CACNG3: variants seen among roughly 807,000 people sequenced by gnomAD.
CACNG3 encodes calcium voltage-gated channel auxiliary subunit gamma 3, also known as voltage-dependent calcium channel gamma-3 subunit.
A neutral mutation model predicts 28.5 loss-of-function variants in CACNG3; 3 were observed. The ratio of observed to expected loss-of-function variants is 0.11; its 90% CI spans 0.05 to 0.27. The LOEUF (loss-of-function observed/expected upper bound fraction) is 0.27, where lower values mean the gene tolerates loss of function less well. Ranked by LOEUF, CACNG3 falls within the 10% of genes least tolerant of loss-of-function variation. The pLI is 1.00. For synonymous variants in CACNG3, 174 were observed against 162.2 expected (o/e 1.07, Z -0.55); for missense variants, 236 against 414.4 (o/e 0.57, Z 3.74).
chr16:24,288,866 C>G (rs1375051445), intron 1 of CACNG3, among the ~76,000 whole-genome samples: 2 of 151,204 alleles, frequency 1.3e-5, no homozygotes, highest in Non-Finnish European at 2.9e-5. Flanking sequence ...GAGTCTGTGA[C>G]ACATAAACAC....
At chr16:24,319,932 C>T (rs979995147) in intron 1 of CACNG3, among the ~76,000 whole-genome samples, 5 of 152,044 alleles carry the variant, frequency 3.3e-5, no homozygotes, top group Non-Finnish European at 5.9e-5. Context: ...CACCATGCCC[C>T]GCTAATTTTT....
chr16:24,308,542 A>G (rs1460791856), intron 1 of CACNG3, among the ~76,000 whole-genome samples: 24 of 152,134 alleles, frequency 1.6e-4, no homozygotes, highest in Non-Finnish European at 1.0e-4. Context: ...GCCTGAACCC[A>G]TTGTAAGCAC....
intron 1 of CACNG3, among the ~76,000 whole-genome samples, chr16:24,258,850 A>G (rs74426351): frequency 0.041 from 6,227 of 152,298 alleles, 436 homozygotes; most frequent in African/African-American, 0.14. Context: ...AGAATGCACA[A>G]TTAAAAATGA....
intron 1 of CACNG3, among the ~76,000 whole-genome samples, chr16:24,297,239 TCCCATCTCTAA>T (rs879484245): frequency 0.089 from 13,497 of 151,138 alleles, 1,184 homozygotes; most frequent in African/African-American, 0.23. Context: ...CAGAGCAGAA[TCCCATCTCTAA>T]AAATAAAATA....
chr16:24,259,765 A>G (rs532331008), intron 1 of CACNG3, among the ~76,000 whole-genome samples: 2 of 152,294 alleles, frequency 1.3e-5, no homozygotes, highest in Admixed American at 6.5e-5. Context: ...ATAAATAACT[A>G]TCCAATGTGG....
At chr16:24,284,257 G>A (rs1898866235) in intron 1 of CACNG3, among the ~76,000 whole-genome samples, 1 of 152,140 alleles carries the variant, frequency 6.6e-6, no homozygotes, top group East Asian at 1.9e-4. Context: ...CTGAGTTGCG[G>A]TAACTTGCTG....
intron 1 of CACNG3, among the ~76,000 whole-genome samples, chr16:24,293,800 C>T (rs533197032): frequency 3.3e-5 from 5 of 152,262 alleles, no homozygotes; most frequent in African/African-American, 9.6e-5. Context: ...CAGCATCAGT[C>T]AGCAGATGTT....
rs1898461592 is a variant in CACNG3, at chr16:24,256,467, C to G, written c.-288C>G. ...GCCCTGCACGGACCCTCGTCTTTACCACGCTCCTGAGGAATGAAAGGAACC... is the reference window on the plus strand; with the variant it reads ...GCCCTGCACGGACCCTCGTCTTTACGACGCTCCTGAGGAATGAAAGGAACC... On this transcript the variant is annotated 5_prime_UTR_variant, in exon 1 of 4. Transcript: ENST00000005284. This position sits in a 1 kb window ranked among gnomAD's most constrained non-coding sequence, Gnocchi z 4.6. 2.5e-6 allele frequency: 1 copy of G among 403,906 alleles called. No homozygotes were observed. Among genetic ancestry groups the G allele is most frequent in the South Asian group, 2.9e-5 (1 of 34,264 alleles). 25.0% of individuals were successfully genotyped at this position (403,906 alleles called of 1,614,324 possible).
chr16:24,357,530 C>T (rs1200151090), intron 3 of CACNG3, among the ~76,000 whole-genome samples: 3 of 152,160 alleles, frequency 2.0e-5, no homozygotes, highest in East Asian at 1.9e-4. Context: ...ACTGCTTCGC[C>T]GGCTGTGAGA....
intron 3 of CACNG3, among the ~76,000 whole-genome samples, chr16:24,360,775 A>T (rs1172753471): frequency 3.3e-5 from 5 of 152,182 alleles, no homozygotes; most frequent in Non-Finnish European, 7.3e-5. Flanking sequence ...GCCTTCTCTC[A>T]CATGCCATCG....
chr16:24,283,019 C>T lies in CACNG3; in HGVS notation c.211+26054C>T, dbSNP rs747505134. On this transcript the variant is annotated intron_variant, in intron 1 of 3. Transcript: ENST00000005284. ...AAGTAGCTGGGACTACAGGTGCACA[C>T]CACCATTCCCGGGTAATTTTTTGTA... is the stretch of plus-strand genomic sequence containing the variant. Among the ~76,000 whole-genome samples the T allele has an allele frequency of 4.7e-4, 72 of 152,106 alleles. 1 individual carries two copies. The highest frequency in any genetic ancestry group is 1.0e-3 in the Admixed American group (16 of 15,270).
In CACNG3 at chr16:24,361,422, C is replaced by G; in HGVS notation, c.507C>G (p.Ser169=). ...CCGGAGACCCCGGGCAGCGTGACTC[C>G]AAAAAAAGTTACTCCTATGGTTGGT... is the stretch of plus-strand genomic sequence containing the variant. The part of the protein sequence containing the change: ...ANAGDPGQRD[S]KKSYSYGWSF... The change falls in exon 4 of 4, where the codon TCC becomes TCG. Residue 169 remains serine (S), a synonymous_variant. Transcript: ENST00000005284. This position sits in a 1 kb window ranked among gnomAD's most constrained non-coding sequence, Gnocchi z 6.8. 6.2e-7 allele frequency: 1 copy of G among 1,613,744 alleles called. No homozygotes were observed. The highest frequency in any genetic ancestry group is 8.5e-7 in the Non-Finnish European group (1 of 1,179,854).
In CACNG3 at chr16:24,265,658, T is replaced by G. The variant is rs368026124; in HGVS notation, c.211+8693T>G. ...GGACAGCCCATAGCTAAAAATATTT[T>G]GTACATTTTAAAATGGTTGAAAAAT... On this transcript the variant is annotated intron_variant, in intron 1 of 3. Transcript: ENST00000005284. Among the ~76,000 whole-genome samples, 21 of 152,298 alleles carry G rather than the reference T, an allele frequency of 1.4e-4. 1 individual carries two copies. Among genetic ancestry groups the G allele is most frequent in the Admixed American group, 5.2e-4 (8 of 15,300 alleles).
At chr16:24,339,391 T>G (rs1478725588) in intron 1 of CACNG3, among the ~76,000 whole-genome samples, 1 of 151,964 alleles carries the variant, frequency 6.6e-6, no homozygotes, top group Non-Finnish European at 1.5e-5. Flanking sequence ...TTCTTCCTTT[T>G]TTTTTTTTTT....
chr16:24,327,126 C>CAAAAAAAAAAAAAAAA (rs57918697), intron 1 of CACNG3, among the ~76,000 whole-genome samples: 1 of 35,830 alleles, frequency 2.8e-5, no homozygotes, highest in Non-Finnish European at 4.4e-5. Flanking sequence ...GGCTCCAAAC[C>CAAAAAAAAAAAAAAAA]AAAAAAAAAA....
chr16:24,353,758 T>C (rs1899990882), intron 2 of CACNG3, among the ~76,000 whole-genome samples: 2 of 152,144 alleles, frequency 1.3e-5, no homozygotes, highest in South Asian at 2.1e-4. Context: ...ATTCAATGGG[T>C]GTTGTCATAC....
intron 3 of CACNG3, among the ~76,000 whole-genome samples, chr16:24,360,203 A>C (rs1447816540): frequency 6.6e-6 from 1 of 152,032 alleles, no homozygotes; most frequent in Non-Finnish European, 1.5e-5. Flanking sequence ...TCCATGAGTC[A>C]TTGTTGGCAC....
chr16:24,338,356 T>C (rs1260325310), intron 1 of CACNG3, among the ~76,000 whole-genome samples: 1 of 152,098 alleles, frequency 6.6e-6, no homozygotes, highest in Non-Finnish European at 1.5e-5. Context: ...TGTTTGTTTG[T>C]TTTTTGAGAC....
intron 1 of CACNG3, among the ~76,000 whole-genome samples, chr16:24,338,692 TCTC>T (rs1899742679): frequency 6.6e-6 from 1 of 152,128 alleles, no homozygotes; most frequent in Non-Finnish European, 1.5e-5. Flanking sequence ...CTATAGTCTC[TCTC>T]CTCAGTGAGA....
Sources: gnomAD v4.1 joint callset for allele counts (sites outside exome capture counted in the v4.1 genomes callset) on GRCh38, gnomAD v4.1.1 for gene constraint, Gnocchi (gnomAD v3.1) non-coding constraint, MANE v1.5 for transcripts, NCBI Gene and HGNC (gene_info 2026-07-23, HGNC 2026-07-21) for gene names.